The following EPHB2 variants were observed in gnomAD, a reference collection of about 807,000 sequenced individuals.
The protein encoded by EPHB2 is ephrin type-B receptor 2.
EPHB2 carries 18 observed loss-of-function variants against 96.4 expected under a neutral mutation model. The ratio of observed to expected loss-of-function variants is 0.19; its 90% confidence interval spans 0.13 to 0.28. EPHB2 has a LOEUF of 0.28. EPHB2 is among the 10% of genes least tolerant of loss of function. EPHB2 has a pLI of 1.00. For synonymous variants in EPHB2, 506 were observed against 534.1 expected (o/e 0.95, Z 0.72); for missense variants, 989 against 1,355.4 (o/e 0.73, Z 4.25).
intron 5 of EPHB2, among the ~76,000 whole-genome samples, chr1:22,879,478 A>G (rs1638959893): frequency 6.6e-6 from 1 of 152,186 alleles, no homozygotes; most frequent in South Asian, 2.1e-4. Context: ...TCAACTCCTC[A>G]CAAAGGCAGT....
intron 1 of EPHB2, among the ~76,000 whole-genome samples, chr1:22,745,001 G>A (rs761282609): frequency 1.6e-4 from 24 of 152,162 alleles, no homozygotes; most frequent in Admixed American, 1.1e-3. Flanking sequence ...TTGCTGTCTC[G>A]AGTGTGGCAG....
At chr1:22,734,497 C>T (rs1487227074) in intron 1 of EPHB2, among the ~76,000 whole-genome samples, 4 of 150,944 alleles carry the variant, frequency 2.6e-5, no homozygotes, top group Non-Finnish European at 4.4e-5. Flanking sequence ...TCTCTGCTCA[C>T]TGCAACCTCT....
At chr1:22,785,957 A>T (rs1644604959) in intron 3 of EPHB2, among the ~76,000 whole-genome samples, 1 of 152,234 alleles carries the variant, frequency 6.6e-6, no homozygotes, top group Non-Finnish European at 1.5e-5. Context: ...TCCAAAGCCC[A>T]CCCTCTTAAC....
chr1:22,830,614 G>A (rs1331392027), intron 3 of EPHB2, among the ~76,000 whole-genome samples: 9 of 152,166 alleles, frequency 5.9e-5, no homozygotes, highest in Non-Finnish European at 1.3e-4. Flanking sequence ...CTAGATTGCA[G>A]TGGTGCAATC....
At chr1:22,831,547 G>A (rs1484484609) in intron 3 of EPHB2, among the ~76,000 whole-genome samples, 1 of 152,010 alleles carries the variant, frequency 6.6e-6, no homozygotes, top group Non-Finnish European at 1.5e-5. Context: ...TTTTATGGAT[G>A]AAGAAACTGA....
chr1:22,809,565 T>C (rs1644975358), intron 3 of EPHB2, among the ~76,000 whole-genome samples: 1 of 152,186 alleles, frequency 6.6e-6, no homozygotes, highest in Non-Finnish European at 1.5e-5. Flanking sequence ...TCACCATCTC[T>C]CTGCAAGGTA....
intron 3 of EPHB2, among the ~76,000 whole-genome samples, chr1:22,852,605 AG>A (rs1645638893): frequency 6.6e-6 from 1 of 152,134 alleles, no homozygotes; most frequent in African/African-American, 2.4e-5. Flanking sequence ...GCGGGGGTCC[AG>A]GGGCTGGGAG....
chr1:22,768,255 C>G (rs2148403350), intron 1 of EPHB2, among the ~76,000 whole-genome samples: 1 of 152,326 alleles, frequency 6.6e-6, no homozygotes, highest in East Asian at 1.9e-4. Context: ...CCCTCCATAC[C>G]TTTCTGATCC....
intron 1 of EPHB2, among the ~76,000 whole-genome samples, chr1:22,763,561 G>A (rs1488064964): frequency 6.6e-6 from 1 of 152,136 alleles, no homozygotes; most frequent in Non-Finnish European, 1.5e-5. Flanking sequence ...CCCTTCAGCA[G>A]AGGGTCTGGG....
At chr1:22,775,982 G>T (rs1570255300) in intron 1 of EPHB2, among the ~76,000 whole-genome samples, 1 of 152,330 alleles carries the variant, frequency 6.6e-6, no homozygotes, top group East Asian at 1.9e-4. Flanking sequence ...GGCAAAGTTG[G>T]CAGAGTGGGA....
intron 1 of EPHB2, among the ~76,000 whole-genome samples, chr1:22,737,790 A>T (rs4233291): frequency 6.6e-6 from 1 of 152,326 alleles, no homozygotes; most frequent in Admixed American, 6.5e-5. Flanking sequence ...TATGAATGAG[A>T]GAATGAATGA....
In EPHB2 at chr1:22,818,922, C is replaced by A. The variant is rs554982866; in HGVS notation, c.811+33846C>A. Among the ~76,000 whole-genome samples the A allele has an allele frequency of 9.9e-4, 151 of 152,164 alleles. 1 individual carries two copies. The highest frequency in any genetic ancestry group is 3.6e-3 in the African/African-American group (148 of 41,480). ...CTTTCTCTCCACTACACAGAGTCCC[C>A]GCCCCCAGGCTCAGAGATGGCCCCC... is the stretch of plus-strand genomic sequence containing the variant. On this transcript the variant is annotated intron_variant, in intron 3 of 15. Transcript: ENST00000374630.
intron 1 of EPHB2, among the ~76,000 whole-genome samples, chr1:22,718,811 C>G (rs578112045): frequency 1.3e-3 from 193 of 152,258 alleles, no homozygotes; most frequent in African/African-American, 4.4e-3. Context: ...AAAACCAAAG[C>G]TCTGAGAGGA....
intron 6 of EPHB2, among the ~76,000 whole-genome samples, chr1:22,884,759 A>G (rs1308264987): frequency 1.3e-5 from 2 of 152,008 alleles, no homozygotes; most frequent in Non-Finnish European, 2.9e-5. Flanking sequence ...AACCTTCCAG[A>G]TCTCAGCCTA....
At chr1:22,742,796 C>T (rs1056777935) in intron 1 of EPHB2, among the ~76,000 whole-genome samples, 1 of 152,016 alleles carries the variant, frequency 6.6e-6, no homozygotes, top group Non-Finnish European at 1.5e-5. Context: ...ACTTTCTTTT[C>T]TAAGTGCTTT....
chr1:22,718,024 T>C (rs1345055639), intron 1 of EPHB2, among the ~76,000 whole-genome samples: 1 of 152,172 alleles, frequency 6.6e-6, no homozygotes, highest in African/African-American at 2.4e-5. Context: ...TGTGCTAAGC[T>C]TGCAATAAAT....
At chr1:22,778,655 C>T (rs566672762) in intron 1 of EPHB2, among the ~76,000 whole-genome samples, 2 of 152,318 alleles carry the variant, frequency 1.3e-5, no homozygotes, top group South Asian at 4.1e-4. Context: ...ATGTCCTTTG[C>T]GTTCCCTTTG....
At chr1:22,890,072 G>A (rs1281495972) in intron 6 of EPHB2, among the ~76,000 whole-genome samples, 3 of 152,166 alleles carry the variant, frequency 2.0e-5, no homozygotes, top group South Asian at 2.1e-4. Context: ...GTCATGAAGG[G>A]TCTGGAATGC....
In EPHB2 at chr1:22,917,489, T is replaced by A. The variant is rs1270513988; in HGVS notation, c.*3919T>A. On this transcript the variant is annotated 3_prime_UTR_variant, in exon 16 of 16. Transcript: ENST00000374630. ...ACATGATGCTAGGGAAAGTGCGTCATGACCGCAGGGTAGCAGCCTGCTCCT... is the reference window on the plus strand; with the variant it reads ...ACATGATGCTAGGGAAAGTGCGTCAAGACCGCAGGGTAGCAGCCTGCTCCT... The A allele has an allele frequency of 6.6e-6, 1 of 152,250 alleles. No individual in the cohort carries two copies. The highest frequency in any genetic ancestry group is 6.5e-5 in the Admixed American group (1 of 15,290). The allele number at this position is 152,250 out of a possible 1,614,324, so 9.4% of individuals were successfully genotyped here. A position where few individuals can be genotyped will look rare whatever the true frequency, so the allele number is the denominator to read the frequency against.
Sources: allele counts gnomAD v4.1 joint callset (sites outside exome capture counted in the v4.1 genomes callset), GRCh38; gene constraint gnomAD v4.1.1; transcripts MANE v1.5; gene names NCBI Gene and HGNC (gene_info 2026-07-23, HGNC 2026-07-21).